TANC2: variants seen among roughly 807,000 people sequenced by gnomAD.
The protein encoded by TANC2 is protein TANC2.
In TANC2, 26 loss-of-function variants were observed where a neutral mutation model predicts 210.5. The ratio of observed to expected loss-of-function variants is 0.12; its 90% CI spans 0.09 to 0.17. The LOEUF (loss-of-function observed/expected upper bound fraction) is 0.17, where lower values mean the gene tolerates loss of function less well. Ranked by LOEUF, TANC2 falls within the 10% of genes least tolerant of loss-of-function variation. TANC2 has a pLI of 1.00. For synonymous variants in TANC2, 931 were observed against 967.1 expected (o/e 0.96, Z 0.69); for missense variants, 2,129 against 2,608.9 (o/e 0.82, Z 4.01).
intron 3 of TANC2, among the ~76,000 whole-genome samples, chr17:63,096,416 C>T (rs1310425670): frequency 6.6e-6 from 1 of 152,154 alleles, no homozygotes; most frequent in African/African-American, 2.4e-5. Context: ...GTGGCCTCAA[C>T]TAAGGTCATG....
At chr17:63,224,030 A>G (rs2042264057) in intron 7 of TANC2, among the ~76,000 whole-genome samples, 1 of 152,092 alleles carries the variant, frequency 6.6e-6, no homozygotes, top group African/African-American at 2.4e-5. Flanking sequence ...CTTCCTTTTC[A>G]ATCCTAGACC....
chr17:63,096,539 C>A (rs550484798), intron 3 of TANC2, among the ~76,000 whole-genome samples: 7 of 152,140 alleles, frequency 4.6e-5, no homozygotes, highest in Non-Finnish European at 8.8e-5. Flanking sequence ...CCACTTAGTA[C>A]GTTTTCAAGG....
At position 63,220,959 on chromosome 17, in the gene TANC2, A is replaced by G. The variant is rs143578046; in HGVS notation, c.770-16855A>G. 2.5e-3 allele frequency among the ~76,000 whole-genome samples: 382 copies of G among 151,884 alleles called. 2 individuals are homozygous for G. Among genetic ancestry groups the G allele is most frequent in the African/African-American group, 8.7e-3 (362 of 41,504 alleles). Reference sequence around the variant, plus strand: ...CACATACAAAAATTCAACGTGGATCATAGACTTAAACCTAAGAGCTAAAAT... The same window carrying G: ...CACATACAAAAATTCAACGTGGATCGTAGACTTAAACCTAAGAGCTAAAAT... On this transcript the variant is annotated intron_variant, in intron 7 of 27. Transcript: ENST00000689528.
chr17:63,120,557 TA>T (rs1282118663), intron 4 of TANC2: 2 of 152,262 alleles, frequency 1.3e-5, no homozygotes, highest in African/African-American at 4.8e-5. Flanking sequence ...CTCATGCTTG[TA>T]ATCCCACCAC....
Position 63,220,110 on chromosome 17 carries a change from C to G in TANC2, c.770-17704C>G, listed in dbSNP as rs1401138556. On this transcript the variant is annotated intron_variant, in intron 7 of 27. Coordinates refer to ENST00000689528, the Ensembl canonical transcript of TANC2. ...AGGCATTCGAGACCAGCCTGGCCAA[C>G]ATGGTGAAACCTCTCCTCTACTAAA... is the stretch of plus-strand genomic sequence containing the variant. Among the ~76,000 whole-genome samples the G allele has an allele frequency of 2.6e-5, 4 of 151,962 alleles. No homozygotes were observed. In the East Asian group the frequency reaches 7.8e-4, roughly 30 times the overall value.
At chr17:63,233,195 C>T (rs150633085) in intron 7 of TANC2, among the ~76,000 whole-genome samples, 209 of 152,310 alleles carry the variant, frequency 1.4e-3, no homozygotes, top group Non-Finnish European at 2.2e-3. Flanking sequence ...GAGGCAGCCA[C>T]AGTCATGATG....
chr17:63,111,611 C>A lies in TANC2; in HGVS notation c.322+12254C>A, dbSNP rs2038048207. Among the ~76,000 whole-genome samples, 3 of 152,144 alleles carry A rather than the reference C, an allele frequency of 2.0e-5. No individual in the cohort carries two copies. In the South Asian group the frequency reaches 6.2e-4, roughly 31 times the overall value. On this transcript the variant is annotated intron_variant, in intron 4 of 27. Transcript: ENST00000689528. ...ACTCTTCATCTTTGATTATTTCCCCCTCTCTTTGTATATTTCTTTTTCAGG... is the reference window on the plus strand; with the variant it reads ...ACTCTTCATCTTTGATTATTTCCCCATCTCTTTGTATATTTCTTTTTCAGG...
intron 3 of TANC2, among the ~76,000 whole-genome samples, chr17:63,083,858 G>A (rs1289390386): frequency 6.6e-6 from 1 of 152,128 alleles, no homozygotes; most frequent in Admixed American, 6.5e-5. Context: ...GTCATGGTGT[G>A]TAATTCCTTT....
chr17:63,312,198 T>G (rs947149978), intron 9 of TANC2, among the ~76,000 whole-genome samples: 1 of 152,228 alleles, frequency 6.6e-6, no homozygotes, highest in East Asian at 1.9e-4. Context: ...CATCAAATTC[T>G]AATAATTATA....
intron 24 of TANC2, chr17:63,413,111 A>G (rs766128234): frequency 1.3e-4 from 29 of 216,610 alleles, no homozygotes; most frequent in Non-Finnish European, 2.2e-4. Flanking sequence ...CCCTTCTGCA[A>G]AGTACATATT....
intron 1 of TANC2, among the ~76,000 whole-genome samples, chr17:62,978,156 T>C (rs2143369703): frequency 6.6e-6 from 1 of 152,314 alleles, no homozygotes; most frequent in South Asian, 2.1e-4. Context: ...CTCTTATGAC[T>C]AGAGAAGCAA....
intron 2 of TANC2, 86 bp from the exon 3 acceptor site, chr17:63,073,857 A>G: frequency 9.3e-7 from 1 of 1,077,000 alleles, no homozygotes; most frequent in Non-Finnish European, 1.4e-6. Context: ...TGATCGATAT[A>G]GTAGTTTTAA....
intron 1 of TANC2, chr17:63,004,737 T>C: frequency 3.0e-6 from 1 of 327,942 alleles, no homozygotes; most frequent in South Asian, 3.2e-5. Context: ...AGCTTCAGCT[T>C]TCAGTGCCTG....
chr17:63,226,326 C>T (rs1425208337), intron 7 of TANC2, among the ~76,000 whole-genome samples: 1 of 152,152 alleles, frequency 6.6e-6, no homozygotes, highest in Non-Finnish European at 1.5e-5. Context: ...AGCCTTTAAT[C>T]ATGTGCCTCG....
At chr17:63,168,536 T>C (rs944023282) in intron 5 of TANC2, among the ~76,000 whole-genome samples, 7 of 152,176 alleles carry the variant, frequency 4.6e-5, no homozygotes, top group African/African-American at 1.7e-4. Context: ...CATTTAATTT[T>C]AAAACAAATT....
intron 14 of TANC2, among the ~76,000 whole-genome samples, chr17:63,375,785 T>A (rs1276363864): frequency 3.3e-5 from 5 of 152,122 alleles, no homozygotes; most frequent in Non-Finnish European, 7.4e-5. Context: ...AAAAGAACAA[T>A]CTCTATTGAA....
chr17:63,327,105 G>T (rs558409565), intron 11 of TANC2, among the ~76,000 whole-genome samples: 1 of 152,302 alleles, frequency 6.6e-6, no homozygotes, highest in South Asian at 2.1e-4. Flanking sequence ...CATACATGTG[G>T]CCAGCAGGTA....
At chr17:63,367,808 TAGG>T (rs1485544147) in intron 14 of TANC2, among the ~76,000 whole-genome samples, 3 of 152,146 alleles carry the variant, frequency 2.0e-5, no homozygotes, top group African/African-American at 7.2e-5. Context: ...GAGAGGATGA[TAGG>T]AGGTGTCACT....
At chr17:63,069,492 CAGA>C (rs200042623) in intron 2 of TANC2, among the ~76,000 whole-genome samples, 1,527 of 152,250 alleles carry the variant, frequency 0.01, 13 homozygotes, top group South Asian at 0.016. Flanking sequence ...CAACAGCCTT[CAGA>C]AGAAGATGTT....
Sources: gnomAD v4.1 joint callset for allele counts (sites outside exome capture counted in the v4.1 genomes callset) on GRCh38, gnomAD v4.1.1 for gene constraint, MANE v1.5 for transcripts, NCBI Gene and HGNC (gene_info 2026-07-23, HGNC 2026-07-21) for gene names.